Variants in CDKAL1 observed in about 807,000 individuals in gnomAD.
The protein encoded by CDKAL1 is CDKAL1 threonylcarbamoyladenosine tRNA methylthiotransferase, also known as threonylcarbamoyladenosine tRNA methylthiotransferase.
In CDKAL1, 32 loss-of-function variants were observed where a neutral mutation model predicts 68.2. That is an observed-to-expected ratio of 0.47 (90% confidence interval 0.35 to 0.63). The LOEUF (loss-of-function observed/expected upper bound fraction) is 0.63. Among genes scored for constraint, CDKAL1 ranks in the 30% least tolerant of loss-of-function variants. The pLI is 0.00. For synonymous variants in CDKAL1, 234 were observed against 244.3 expected, an observed-to-expected ratio of 0.96 and a Z score of 0.39; for missense variants, 606 against 696.7, an observed-to-expected ratio of 0.87 and a Z score of 1.47.
intron 15 of CDKAL1, among the ~76,000 whole-genome samples, chr6:21,207,795 G>A (rs1447305947): frequency 6.6e-6 from 1 of 152,062 alleles, no homozygotes. Context: ...GCATGCCAAG[G>A]CATTATTTTA....
At chr6:20,552,618 ATTT>A (rs11320714) in intron 4 of CDKAL1, among the ~76,000 whole-genome samples, 12 of 139,174 alleles carry the variant, frequency 8.6e-5, no homozygotes, top group Admixed American at 2.1e-4. Flanking sequence ...TTGAATGGGA[ATTT>A]TTTTTTTTTT....
In CDKAL1 at chr6:20,647,708, G is replaced by A. The variant is rs139887565; in HGVS notation, c.287-1585G>A. Among the ~76,000 whole-genome samples the A allele has an allele frequency of 2.5e-3, 380 of 152,250 alleles. 1 individual carries two copies. Among genetic ancestry groups the A allele is most frequent in the African/African-American group, 8.5e-3 (355 of 41,534 alleles). On this transcript the variant is annotated intron_variant, in intron 4 of 15. Transcript: ENST00000274695. The stretch of plus-strand genomic sequence containing the variant: ...ATAATTTGGAGGATACTAACAGGAG[G>A]TAGGTGAATAATCTTTTCTGAGTTG...
intron 4 of CDKAL1, among the ~76,000 whole-genome samples, chr6:20,602,189 A>G (rs1353602377): frequency 1.3e-5 from 2 of 152,150 alleles, no homozygotes; most frequent in Admixed American, 1.3e-4. Context: ...TGCTAAAGAT[A>G]CTTATCTACT....
At chr6:21,011,410 A>G (rs1379957073) in intron 11 of CDKAL1, among the ~76,000 whole-genome samples, 1 of 152,142 alleles carries the variant, frequency 6.6e-6, no homozygotes, top group Non-Finnish European at 1.5e-5. Context: ...GATCTGACCA[A>G]TTTGAATTCT....
intron 2 of CDKAL1, among the ~76,000 whole-genome samples, chr6:20,540,222 C>A (rs1763335938): frequency 6.6e-6 from 1 of 151,214 alleles, no homozygotes; most frequent in Non-Finnish European, 1.5e-5. Context: ...TACAGGCGCT[C>A]GCCACTATGC....
At chr6:20,830,086 C>T (rs1007896922) in intron 8 of CDKAL1, among the ~76,000 whole-genome samples, 47 of 152,228 alleles carry the variant, frequency 3.1e-4, no homozygotes, top group African/African-American at 1.0e-3. Context: ...GAACTCCTGG[C>T]CTCAAGTAAT....
chr6:21,184,819 G>C (rs1777941663), intron 13 of CDKAL1, among the ~76,000 whole-genome samples: 1 of 126,816 alleles, frequency 7.9e-6, no homozygotes. Flanking sequence ...ACCACGTGCA[G>C]CTAATTTTTT....
At chr6:20,940,589 C>G (rs1209165549) in intron 9 of CDKAL1, among the ~76,000 whole-genome samples, 3 of 152,164 alleles carry the variant, frequency 2.0e-5, no homozygotes, top group Non-Finnish European at 4.4e-5. Flanking sequence ...GAGCCTCTCT[C>G]TTTTGCCCAG....
chr6:20,858,462 C>T (rs186130899), intron 9 of CDKAL1, among the ~76,000 whole-genome samples: 40 of 152,144 alleles, frequency 2.6e-4, no homozygotes, highest in African/African-American at 8.7e-4. Flanking sequence ...AAAACTGATA[C>T]GCCTGTAATG....
chr6:20,681,094 A>T lies in CDKAL1; in HGVS notation c.371+31717A>T, dbSNP rs900497046. Among the ~76,000 whole-genome samples, 7 of 152,312 alleles carry T rather than the reference A, an allele frequency of 4.6e-5. No homozygotes were observed. In the East Asian group the frequency reaches 7.7e-4, roughly 17 times the overall value. ...ATCTGTTGTATCATGTTAGTTGGAG[A>T]TATTTAGCTTAAGCCTCTTCCCTGT... On this transcript the variant is annotated intron_variant, in intron 5 of 15. Coordinates refer to ENST00000274695, the MANE Select transcript of CDKAL1 (RefSeq NM_017774.3).
intron 6 of CDKAL1, 66 bp from the exon 7 acceptor site, chr6:20,758,529 A>G (rs10946406): frequency 0.41 from 565,515 of 1,375,404 alleles, 119,582 homozygotes; most frequent in Non-Finnish European, 0.44. Context: ...ACTCAAGCAT[A>G]AGGATAAACA....
At chr6:21,209,250 A>C (rs1028732175) in intron 15 of CDKAL1, among the ~76,000 whole-genome samples, 5 of 152,118 alleles carry the variant, frequency 3.3e-5, no homozygotes, top group Non-Finnish European at 5.9e-5. Flanking sequence ...CTGAGCAGGC[A>C]TTTTCCCCAC....
intron 13 of CDKAL1, among the ~76,000 whole-genome samples, chr6:21,129,230 T>C (rs868164457): frequency 2.0e-5 from 3 of 151,624 alleles, no homozygotes; most frequent in African/African-American, 7.3e-5. Flanking sequence ...AAAAAACATA[T>C]TAGCAGTGAG....
chr6:20,806,889 C>T (rs531938115), intron 8 of CDKAL1, among the ~76,000 whole-genome samples: 3 of 152,170 alleles, frequency 2.0e-5, no homozygotes, highest in Non-Finnish European at 4.4e-5. Context: ...AGATGTGTTA[C>T]AGCTGATACG....
intron 12 of CDKAL1, 86 bp downstream of exon 12, chr6:21,065,314 A>T (rs976099299): frequency 1.9e-6 from 2 of 1,050,882 alleles, no homozygotes; most frequent in Non-Finnish European, 2.8e-6. Flanking sequence ...CAACTTGCTC[A>T]TGTTATAACC....
intron 4 of CDKAL1, among the ~76,000 whole-genome samples, chr6:20,580,524 C>T (rs1298221138): frequency 6.6e-6 from 1 of 152,110 alleles, no homozygotes; most frequent in East Asian, 1.9e-4. Context: ...TGAGTCTTCT[C>T]TAGACTCAGG....
At chr6:21,015,570 CT>C (rs1419266972) in intron 11 of CDKAL1, among the ~76,000 whole-genome samples, 7 of 152,014 alleles carry the variant, frequency 4.6e-5, no homozygotes, top group South Asian at 2.1e-4. Flanking sequence ...TGTTTTGACT[CT>C]TATCAACAAT....
In CDKAL1 at chr6:20,586,842, T is replaced by C. The variant is rs186148396; in HGVS notation, c.286+38137T>C. 3.1e-4 allele frequency among the ~76,000 whole-genome samples: 47 copies of C among 152,284 alleles called. 1 individual carries two copies. The highest frequency in any genetic ancestry group is 1.6e-3 in the Admixed American group (25 of 15,294). On this transcript the variant is annotated intron_variant, in intron 4 of 15. Transcript: ENST00000274695. ...TGAGGTTTACAAAGGCCAGATGAAGTGAACACCTTTTCTACTTCTCTTGAC... is the reference window on the plus strand; with the variant it reads ...TGAGGTTTACAAAGGCCAGATGAAGCGAACACCTTTTCTACTTCTCTTGAC...
intron 13 of CDKAL1, among the ~76,000 whole-genome samples, chr6:21,182,710 T>C (rs1372815357): frequency 6.6e-6 from 1 of 152,210 alleles, no homozygotes; most frequent in Non-Finnish European, 1.5e-5. Context: ...AAATGCATAG[T>C]CACTGTCCTG....
Sources: gnomAD v4.1 joint callset for allele counts (sites outside exome capture counted in the v4.1 genomes callset) on GRCh38, gnomAD v4.1.1 for gene constraint, MANE v1.5 for transcripts, NCBI Gene and HGNC (gene_info 2026-07-23, HGNC 2026-07-21) for gene names.